SLCO1A2: variants seen among roughly 807,000 people sequenced by gnomAD.
SLCO1A2 encodes OATP-1.
In SLCO1A2, 67 loss-of-function variants were observed where a neutral mutation model predicts 69.0. The observed-to-expected ratio is 0.97, with a 90% CI of 0.80 to 1.19. The LOEUF (loss-of-function observed/expected upper bound fraction) is 1.19, where lower values mean the gene tolerates loss of function less well. Ranked by LOEUF, SLCO1A2 falls within the 50% of genes most tolerant of loss-of-function variation. SLCO1A2 has a pLI of 0.00. For missense variants in SLCO1A2, 787 were observed against 793.7 expected, an observed-to-expected ratio of 0.99 and a Z score of 0.10; for synonymous variants, 260 against 265.9, an observed-to-expected ratio of 0.98 and a Z score of 0.22.
chr12:21,386,419 C>CATATTGCG (rs2137139453), intron 1 of SLCO1A2, among the ~76,000 whole-genome samples: 1 of 152,260 alleles, frequency 6.6e-6, no homozygotes, highest in Admixed American at 6.5e-5. Flanking sequence ...ATAACCCCCA[C>CATATTGCG]ATATTGCGGG....
chr12:21,284,173 C>T (rs1284145485), intron 12 of SLCO1A2, among the ~76,000 whole-genome samples: 2 of 152,066 alleles, frequency 1.3e-5, no homozygotes, highest in Non-Finnish European at 2.9e-5. Flanking sequence ...ACCTAAGTGT[C>T]CAGCAATAGA....
intron 12 of SLCO1A2, among the ~76,000 whole-genome samples, chr12:21,278,651 G>A (rs1944299039): frequency 6.6e-6 from 1 of 152,188 alleles, no homozygotes; most frequent in South Asian, 2.1e-4. Context: ...AACTCTGTGA[G>A]TCTACATGAA....
intron 1 of SLCO1A2, among the ~76,000 whole-genome samples, chr12:21,381,789 C>T (rs1268830252): frequency 6.6e-6 from 1 of 151,746 alleles, no homozygotes; most frequent in Non-Finnish European, 1.5e-5. Context: ...AGCGAGACTC[C>T]GTCTCAAAAA....
At chr12:21,355,529 T>A (rs775808230) in intron 2 of SLCO1A2, among the ~76,000 whole-genome samples, 2 of 152,104 alleles carry the variant, frequency 1.3e-5, no homozygotes, top group Non-Finnish European at 2.9e-5. Context: ...AAACTTTGAG[T>A]CTGTCTCAAG....
intron 8 of SLCO1A2, among the ~76,000 whole-genome samples, chr12:21,299,737 T>A (rs1383781176): frequency 2.0e-5 from 3 of 148,458 alleles, no homozygotes; most frequent in Admixed American, 6.8e-5. Flanking sequence ...TAAAATCGGT[T>A]TTTTGAGCAA....
chr12:21,378,383 T>A (rs1940365043), intron 1 of SLCO1A2: 4 of 1,614,074 alleles, frequency 2.5e-6, no homozygotes, highest in Non-Finnish European at 1.7e-6. Context: ...AGGAATGCAG[T>A]AGAGGTTTTA....
intron 1 of SLCO1A2, among the ~76,000 whole-genome samples, chr12:21,391,201 G>A (rs901624322): frequency 2.0e-5 from 3 of 152,020 alleles, no homozygotes; most frequent in African/African-American, 7.3e-5. Flanking sequence ...CATTTAGCAT[G>A]GATTTTAACA....
chr12:21,389,801 C>T (rs544523915), intron 1 of SLCO1A2, among the ~76,000 whole-genome samples: 1 of 151,164 alleles, frequency 6.6e-6, no homozygotes, highest in South Asian at 2.1e-4. Context: ...GACTCATGCA[C>T]CCACAGAGAT....
intron 1 of SLCO1A2, among the ~76,000 whole-genome samples, chr12:21,400,595 C>G (rs1232065668): frequency 6.6e-6 from 1 of 151,742 alleles, no homozygotes; most frequent in Non-Finnish European, 1.5e-5. Context: ...TATTGCGGCT[C>G]TATTCACAAT....
intron 12 of SLCO1A2, among the ~76,000 whole-genome samples, chr12:21,288,272 T>C (rs1946280233): frequency 6.6e-6 from 1 of 152,004 alleles, no homozygotes; most frequent in Admixed American, 6.6e-5. Context: ...TAAAACACTG[T>C]TTCTACTAAA....
chr12:21,370,691 T>C (rs2041612), intron 2 of SLCO1A2, among the ~76,000 whole-genome samples: 8,225 of 152,220 alleles, frequency 0.054, 557 homozygotes, highest in African/African-American at 0.16. Flanking sequence ...GAAAATAGAA[T>C]AAATAACAAT....
chr12:21,410,719 G>T (rs536405458), intron 1 of SLCO1A2, among the ~76,000 whole-genome samples: 1 of 152,272 alleles, frequency 6.6e-6, no homozygotes, highest in African/African-American at 2.4e-5. Flanking sequence ...GCTCTCAGCA[G>T]TAATGTGTCG....
At chr12:21,388,865 T>C (rs556635479) in intron 1 of SLCO1A2, among the ~76,000 whole-genome samples, 84 of 152,302 alleles carry the variant, frequency 5.5e-4, no homozygotes, top group African/African-American at 2.0e-3. Context: ...TAGCTGCAAC[T>C]GGTAAAATGC....
intron 2 of SLCO1A2, among the ~76,000 whole-genome samples, chr12:21,348,931 T>C (rs1441633426): frequency 6.6e-6 from 1 of 152,116 alleles, no homozygotes; most frequent in African/African-American, 2.4e-5. Flanking sequence ...GTGGTAATGA[T>C]GGGTCAGTGT....
intron 2 of SLCO1A2, among the ~76,000 whole-genome samples, chr12:21,332,992 G>A (rs556107091): frequency 1.1e-4 from 16 of 152,120 alleles, no homozygotes; most frequent in African/African-American, 3.9e-4. Context: ...AATCAAAACT[G>A]ATTGACTACA....
At chr12:21,347,576 C>T (rs1002803763) in intron 2 of SLCO1A2, among the ~76,000 whole-genome samples, 2 of 151,702 alleles carry the variant, frequency 1.3e-5, no homozygotes, top group Admixed American at 6.6e-5. Context: ...ACCCAGGAGG[C>T]GGAGGTTGCA....
At chr12:21,297,339 C>T in intron 9 of SLCO1A2, 65 bp downstream of exon 9, 3 of 1,240,760 alleles carry the variant, frequency 2.4e-6, no homozygotes, top group African/African-American at 1.5e-5. Context: ...GAGTTTGCTA[C>T]ACCCGCCATC....
chr12:21,389,216 G>A (rs1052474560), intron 1 of SLCO1A2, among the ~76,000 whole-genome samples: 4 of 152,040 alleles, frequency 2.6e-5, no homozygotes, highest in Non-Finnish European at 2.9e-5. Flanking sequence ...CAATTTACTT[G>A]TCAAAAATAG....
chr12:21,373,245 TG>T (rs1939929875), intron 2 of SLCO1A2: 8 of 803,576 alleles, frequency 1.0e-5, no homozygotes, highest in Non-Finnish European at 1.7e-5. Context: ...TTTAAAAAGA[TG>T]TTTCTTTTAA....
Sources: gnomAD v4.1 joint callset for allele counts (sites outside exome capture counted in the v4.1 genomes callset) on GRCh38, gnomAD v4.1.1 for gene constraint, MANE v1.5 for transcripts, NCBI Gene and HGNC (gene_info 2026-07-23, HGNC 2026-07-21) for gene names.